Variants in ZNF605 observed in about 807,000 individuals in gnomAD.
ZNF605 encodes the protein zinc finger protein 605.
ZNF605 carries 9 observed loss-of-function variants against 7.9 expected under a neutral mutation model. The ratio of observed to expected loss-of-function variants is 1.14; its 90% CI spans 0.68 to 1.98. The LOEUF is 1.98. Among genes scored for constraint, ZNF605 ranks in the 30% most tolerant of loss-of-function variants. The pLI, the probability that ZNF605 is intolerant of heterozygous loss-of-function variation, is 0.00. For synonymous variants in ZNF605, 255 were observed against 260.1 expected, an observed-to-expected ratio of 0.98 and a Z score of 0.19; for missense variants, 673 against 762.4, an observed-to-expected ratio of 0.88 and a Z score of 1.38.
At chr12:132,950,420 TAC>T (rs1491518987) in intron 1 of ZNF605, among the ~76,000 whole-genome samples, 1 of 151,048 alleles carries the variant, frequency 6.6e-6, no homozygotes, top group African/African-American at 2.4e-5. Flanking sequence ...CATGCACACG[TAC>T]AGACACGCAC....
chr12:132,945,903 G>A, intron 2 of ZNF605, 106 bp from the exon 3 acceptor site: 2 of 604,370 alleles, frequency 3.3e-6, no homozygotes, highest in East Asian at 2.8e-5. Context: ...TCTCGAACTA[G>A]ATGTTGGGTA....
In ZNF605 at chr12:132,925,641, C is replaced by A; in HGVS notation, c.1658G>T (p.Arg553Ile). ...VQKVQLIKHQ[R>I]NHTGEKTYGC... ...ATAGGTTTTCTCTCCTGTGTGATTT[C>A]TTTGATGCTTAATGAGCTGCACTTT... Residue 553 changes from arginine to isoleucine, a missense_variant, in exon 5 of 5, where the codon AGA becomes ATA. Physicochemically the swap from Arg to Ile is moderately conservative, Grantham distance 97. Coordinates refer to ENST00000360187, the MANE Select transcript of ZNF605 (RefSeq NM_183238.4). 1 of 1,614,028 alleles carries A rather than the reference C, an allele frequency of 6.2e-7. No individual in the cohort carries two copies. Among genetic ancestry groups the A allele is most frequent in the South Asian group, 1.1e-5 (1 of 91,068 alleles).
Position 132,926,764 on chromosome 12 carries a change from TA to T in ZNF605, c.534del (p.Phe178LeufsTer96). ...TGTATAACAAGTTGTGACTTCTTGT[TA>T]AAAAATCTGCCACATTCCATGCATA... ...VYLCMECGRF[F>X]NKKSQLVIHQ... On this transcript the variant is annotated frameshift_variant, in exon 5 of 5. Coordinates refer to ENST00000360187, the MANE Select transcript of ZNF605 (RefSeq NM_183238.4). LOFTEE classifies it low-confidence loss of function (END_TRUNC). 6 of 1,613,902 alleles carry T rather than the reference TA, an allele frequency of 3.7e-6. No individual in the cohort carries two copies. Among genetic ancestry groups the T allele is most frequent in the Non-Finnish European group, 5.1e-6 (6 of 1,179,796 alleles).
At chr12:132,951,877 ACATACACACT>A (rs1952575113) in intron 1 of ZNF605, among the ~76,000 whole-genome samples, 1 of 146,360 alleles carries the variant, frequency 6.8e-6, no homozygotes, top group Admixed American at 6.7e-5. Context: ...ACTCATACAC[ACATACACACT>A]CATACACACA....
chr12:132,929,051 A>AAC (rs1242906273), intron 4 of ZNF605, among the ~76,000 whole-genome samples: 22 of 149,656 alleles, frequency 1.5e-4, no homozygotes, highest in East Asian at 1.2e-3. Flanking sequence ...AAACAAAAAA[A>AAC]CCCCAAAAAC....
intron 3 of ZNF605, among the ~76,000 whole-genome samples, chr12:132,934,096 AAC>A (rs112682806): frequency 6.7e-6 from 1 of 149,754 alleles, no homozygotes; most frequent in Admixed American, 6.7e-5. Flanking sequence ...AACTCTATTA[AAC>A]ACACACACAC....
intron 1 of ZNF605, among the ~76,000 whole-genome samples, chr12:132,951,408 CACACTCACAG>C (rs1952564374): frequency 6.6e-6 from 1 of 151,540 alleles, no homozygotes. Flanking sequence ...GTACATCACA[CACACTCACAG>C]ACACGTACAC....
At position 132,921,936 on chromosome 12, in the gene ZNF605, T is replaced by C. The variant is rs1267148345; in HGVS notation, c.*3437A>G. ...TTAATGCATTAGCGCCGTAAGGTTG[T>C]AAGAGAAGCAACTCTGGCTTGATCT... On this transcript the variant is annotated 3_prime_UTR_variant, in exon 5 of 5. Transcript: ENST00000360187. 6.6e-6 allele frequency: 1 copy of C among 152,226 alleles called. No individual in the cohort carries two copies. The highest frequency in any genetic ancestry group is 1.5e-5 in the Non-Finnish European group (1 of 68,036). 9.4% of individuals were successfully genotyped at this position (152,226 alleles called of 1,614,324 possible).
intron 1 of ZNF605, among the ~76,000 whole-genome samples, chr12:132,952,028 G>C (rs1952578104): frequency 6.6e-6 from 1 of 151,960 alleles, no homozygotes; most frequent in Non-Finnish European, 1.5e-5. Flanking sequence ...AGCAGCATTT[G>C]CTGAATTCCT....
chr12:132,949,751 C>T (rs1176763735), intron 1 of ZNF605, among the ~76,000 whole-genome samples: 3 of 152,176 alleles, frequency 2.0e-5, no homozygotes, highest in African/African-American at 7.2e-5. Context: ...GAAGCATTGG[C>T]TGAACTCTGG....
At chr12:132,942,875 A>C (rs1952457406) in intron 3 of ZNF605, among the ~76,000 whole-genome samples, 1 of 152,314 alleles carries the variant, frequency 6.6e-6, no homozygotes, top group East Asian at 1.9e-4. Flanking sequence ...GGCCATGTTC[A>C]GTCCTCCGGG....
At chr12:132,945,906 G>A in intron 2 of ZNF605, 109 bp from the exon 3 acceptor site, 1 of 601,924 alleles carries the variant, frequency 1.7e-6, no homozygotes, top group South Asian at 2.0e-5. Context: ...CGAACTAGAT[G>A]TTGGGTAGGC....
At chr12:132,956,001 C>G (rs1237218644) in intron 1 of ZNF605, among the ~76,000 whole-genome samples, 2 of 150,040 alleles carry the variant, frequency 1.3e-5, no homozygotes, top group Non-Finnish European at 3.0e-5. Context: ...CCTACAGCCC[C>G]CACCCCACCC....
At chr12:132,949,038 G>A (rs1398195673) in intron 1 of ZNF605, among the ~76,000 whole-genome samples, 27 of 152,122 alleles carry the variant, frequency 1.8e-4, no homozygotes, top group Admixed American at 7.9e-4. Context: ...GGCTTATGGG[G>A]TGCCTGTATT....
Position 132,953,630 on chromosome 12 carries a change from T to C in ZNF605, c.-286+2613A>G, listed in dbSNP as rs372571015. Among the ~76,000 whole-genome samples, 1,350 of 152,218 alleles carry C rather than the reference T, an allele frequency of 8.9e-3. 11 individuals are homozygous for C. Among genetic ancestry groups the C allele is most frequent in the African/African-American group, 0.029 (1,200 of 41,542 alleles). On this transcript the variant is annotated intron_variant, in intron 1 of 4. Transcript: ENST00000360187. The stretch of plus-strand genomic sequence containing the variant: ...TTAGTAGAGACGGGGTTTCACCATG[T>C]TGGCCAGGATGGTGTGGATCTCTTG...
At chr12:132,939,381 G>A (rs980002344) in intron 3 of ZNF605, among the ~76,000 whole-genome samples, 4 of 151,834 alleles carry the variant, frequency 2.6e-5, no homozygotes, top group Non-Finnish European at 2.9e-5. Flanking sequence ...CTCAAGGATT[G>A]TAAATACACC....
intron 1 of ZNF605, among the ~76,000 whole-genome samples, chr12:132,950,599 TAC>T (rs1379987922): frequency 6.8e-6 from 1 of 146,922 alleles, no homozygotes; most frequent in Non-Finnish European, 1.5e-5. Flanking sequence ...GATGCACACG[TAC>T]ACACACACAA....
intron 3 of ZNF605, among the ~76,000 whole-genome samples, chr12:132,937,820 T>A (rs1473560490): frequency 1.3e-5 from 2 of 152,182 alleles, no homozygotes; most frequent in Non-Finnish European, 1.5e-5. Context: ...AATAAGTGAA[T>A]GGATAGAGAC....
chr12:132,932,708 C>G, intron 4 of ZNF605: 1 of 1,520,910 alleles, frequency 6.6e-7, no homozygotes, highest in Non-Finnish European at 8.8e-7. Context: ...CTGATTATTC[C>G]TCACCTGAAA....
Sources: gnomAD v4.1 joint callset for allele counts (sites outside exome capture counted in the v4.1 genomes callset) on GRCh38, gnomAD v4.1.1 for gene constraint, MANE v1.5 for transcripts, NCBI Gene and HGNC (gene_info 2026-07-23, HGNC 2026-07-21) for gene names.